Variants in LRRC37A2 observed in about 807,000 individuals in gnomAD.
LRRC37A2 encodes the protein leucine-rich repeat-containing protein 37A2.
A neutral mutation model predicts 68.8 loss-of-function variants in LRRC37A2; 9 were observed. That is an observed-to-expected ratio of 0.13 (90% CI 0.08 to 0.23). The LOEUF (loss-of-function observed/expected upper bound fraction) is 0.23. Among genes scored for constraint, LRRC37A2 ranks in the 10% least tolerant of loss-of-function variants. The pLI is 1.00. For synonymous variants in LRRC37A2, 63 were observed against 367.6 expected, an observed-to-expected ratio of 0.17 and a Z score of 9.48; for missense variants, 168 against 950.4, an observed-to-expected ratio of 0.18 and a Z score of 10.82.
the LRRC37A2 span, among the ~76,000 whole-genome samples, chr17:46,840,764 A>AT: frequency 6.6e-6 from 1 of 152,082 alleles, no homozygotes; most frequent in African/African-American, 2.4e-5. Flanking sequence ...GATGATGAGC[A>AT]TTTTTTCATG....
At chr17:46,964,957 C>T in the LRRC37A2 span, 2 of 152,344 alleles carry the variant, frequency 1.3e-5, no homozygotes, top group African/African-American at 2.4e-5. Context: ...GTGATGTGGC[C>T]TTTCAGAAAC....
At chr17:46,932,483 T>C in the LRRC37A2 span, 1 of 594,276 alleles carries the variant, frequency 1.7e-6, no homozygotes, top group Non-Finnish European at 3.0e-6. Flanking sequence ...AAGGTGGAAG[T>C]TCACATGGTG....
the LRRC37A2 span, among the ~76,000 whole-genome samples, chr17:46,722,366 T>TGAC: frequency 6.6e-6 from 1 of 152,230 alleles, no homozygotes; most frequent in Non-Finnish European, 1.5e-5. Flanking sequence ...AAGCACTGTG[T>TGAC]GACCTGCTGT....
At chr17:46,988,725 C>G in the LRRC37A2 span, among the ~76,000 whole-genome samples, 1 of 152,048 alleles carries the variant, frequency 6.6e-6, no homozygotes, top group East Asian at 1.9e-4. Flanking sequence ...GTCAGGCAGA[C>G]AGTTGGAGGC....
chr17:46,753,552 G>GA, the LRRC37A2 span, among the ~76,000 whole-genome samples: 4 of 151,416 alleles, frequency 2.6e-5, no homozygotes, highest in Admixed American at 2.6e-4. Context: ...CTCTTTCCTT[G>GA]AAAAAAAGAT....
the LRRC37A2 span, among the ~76,000 whole-genome samples, chr17:46,691,552 G>A: frequency 2.3e-4 from 35 of 149,516 alleles, no homozygotes; most frequent in South Asian, 2.1e-4. Context: ...CTAAGATTGC[G>A]TCATTGCACT....
chr17:46,730,098 C>G, the LRRC37A2 span, among the ~76,000 whole-genome samples: 1 of 151,988 alleles, frequency 6.6e-6, no homozygotes, highest in African/African-American at 2.4e-5. Context: ...GTTGCTGAAA[C>G]AGAAATAATT....
chr17:46,691,927 A>G, the LRRC37A2 span, among the ~76,000 whole-genome samples: 1 of 150,804 alleles, frequency 6.6e-6, no homozygotes, highest in East Asian at 2.0e-4. Context: ...TAATTTTTGT[A>G]TTTTTAGTAG....
At chr17:46,934,884 C>T in the LRRC37A2 span, 3 of 733,354 alleles carry the variant, frequency 4.1e-6, no homozygotes, top group Non-Finnish European at 4.8e-6. Context: ...CTTTGCTTTG[C>T]TTTTTCTTAT....
the LRRC37A2 span, among the ~76,000 whole-genome samples, chr17:47,003,246 A>G: frequency 1.8e-5 from 1 of 54,130 alleles, no homozygotes; most frequent in South Asian, 6.2e-4. Context: ...AGAGACTCAA[A>G]AAAAAAAAAA....
the LRRC37A2 span, among the ~76,000 whole-genome samples, chr17:46,855,225 G>T: frequency 2.0e-5 from 3 of 152,334 alleles, no homozygotes; most frequent in Non-Finnish European, 2.9e-5. Flanking sequence ...GAGGCCGAAG[G>T]GGGTGAGGGT....
At chr17:46,705,263 G>GTCTCTCTC in the LRRC37A2 span, among the ~76,000 whole-genome samples, 2 of 119,468 alleles carry the variant, frequency 1.7e-5, no homozygotes, top group Non-Finnish European at 3.7e-5. Flanking sequence ...ATCCTCCTCT[G>GTCTCTCTC]TCTCTCTCTC....
At chr17:46,750,330 G>C in the LRRC37A2 span, among the ~76,000 whole-genome samples, 1 of 152,188 alleles carries the variant, frequency 6.6e-6, no homozygotes, top group African/African-American at 2.4e-5. Context: ...TCCAGTCTGG[G>C]TGAGGGAGCA....
the LRRC37A2 span, among the ~76,000 whole-genome samples, chr17:46,867,224 C>T: frequency 6.6e-6 from 1 of 152,218 alleles, no homozygotes; most frequent in Non-Finnish European, 1.5e-5. Context: ...CAGCACAGTA[C>T]CTGGCACATG....
At chr17:46,461,224 T>C in the LRRC37A2 span, among the ~76,000 whole-genome samples, 1 of 85,050 alleles carries the variant, frequency 1.2e-5, no homozygotes, top group African/African-American at 4.4e-5. Context: ...TGAATGATCA[T>C]AGAAATATAT....
chr17:46,848,086 T>C, the LRRC37A2 span, among the ~76,000 whole-genome samples: 7 of 152,194 alleles, frequency 4.6e-5, no homozygotes, highest in Admixed American at 2.0e-4. Context: ...TAGCTGCATG[T>C]GGATATCCAA....
the LRRC37A2 span, among the ~76,000 whole-genome samples, chr17:46,858,741 A>T: frequency 6.6e-6 from 1 of 152,138 alleles, no homozygotes; most frequent in Non-Finnish European, 1.5e-5. Flanking sequence ...ATCACAGCTC[A>T]CTACAGCCTC....
At chr17:46,866,719 C>T in the LRRC37A2 span, among the ~76,000 whole-genome samples, 4 of 152,102 alleles carry the variant, frequency 2.6e-5, no homozygotes, top group African/African-American at 9.7e-5. Flanking sequence ...CTCCTGGACC[C>T]TCCAGCTAAG....
the LRRC37A2 span, among the ~76,000 whole-genome samples, chr17:46,868,537 A>G: frequency 2.3e-4 from 35 of 152,338 alleles, no homozygotes; most frequent in Admixed American, 4.6e-4. Flanking sequence ...CAGAGGTTGC[A>G]GTGAGCCGAA....
Sources: gnomAD v4.1 joint callset for allele counts (sites outside exome capture counted in the v4.1 genomes callset) on GRCh38, gnomAD v4.1.1 for gene constraint, MANE v1.5 for transcripts, NCBI Gene and HGNC (gene_info 2026-07-23, HGNC 2026-07-21) for gene names.